MYO1E: variants seen among roughly 807,000 people sequenced by gnomAD.
The protein encoded by MYO1E is unconventional myosin-Ie.
In MYO1E, 68 loss-of-function variants were observed where a neutral mutation model predicts 151.1. The ratio of observed to expected loss-of-function variants is 0.45; its 90% confidence interval spans 0.37 to 0.55. The LOEUF (loss-of-function observed/expected upper bound fraction) is 0.55. MYO1E is among the 20% of genes least tolerant of loss of function. MYO1E has a pLI of 0.00. For synonymous variants in MYO1E, 601 were observed against 501.7 expected, an observed-to-expected ratio of 1.20 and a Z score of -2.64; for missense variants, 1,363 against 1,389.3, an observed-to-expected ratio of 0.98 and a Z score of 0.30.
chr15:59,259,112 G>A (rs1940529970), intron 3 of MYO1E, among the ~76,000 whole-genome samples: 1 of 151,912 alleles, frequency 6.6e-6, no homozygotes, highest in Non-Finnish European at 1.5e-5. Flanking sequence ...TCCCTCTTTT[G>A]GTCATCCTCT....
At chr15:59,203,694 G>C (rs1163806641) in intron 15 of MYO1E, among the ~76,000 whole-genome samples, 2 of 152,174 alleles carry the variant, frequency 1.3e-5, no homozygotes, top group African/African-American at 4.8e-5. Context: ...TTCATTAGTG[G>C]TGCTATTTGA....
intron 9 of MYO1E, among the ~76,000 whole-genome samples, chr15:59,218,854 G>A (rs1239738652): frequency 3.3e-5 from 5 of 152,184 alleles, no homozygotes; most frequent in Non-Finnish European, 7.3e-5. Context: ...AGGGGAGGAA[G>A]CAGAAGTGTG....
rs1214320696 is a variant in MYO1E, at chr15:59,300,315, GAC to G, written c.4-27868_4-27867del. ...GCACGCGCACACACACACACACACA[GAC>G]ACACACACACACGCACGGTCATTTC... is the stretch of plus-strand genomic sequence containing the variant. On this transcript the variant is annotated intron_variant, in intron 1 of 27. Transcript: ENST00000288235. Among the ~76,000 whole-genome samples the G allele has an allele frequency of 5.8e-5, 8 of 138,824 alleles. No individual in the cohort carries two copies. The South Asian group carries it at 9.1e-4, about 16-fold the overall frequency. 91.1% of individuals were successfully genotyped at this position (138,824 alleles called of 152,430 possible).
At chr15:59,360,954 T>G (rs2080881581) in intron 1 of MYO1E, among the ~76,000 whole-genome samples, 1 of 152,350 alleles carries the variant, frequency 6.6e-6, no homozygotes, top group Admixed American at 6.5e-5. Flanking sequence ...ACAGTGTGAC[T>G]TGCTTCAGCC....
At chr15:59,329,461 A>C (rs115008430) in intron 1 of MYO1E, among the ~76,000 whole-genome samples, 1 of 152,220 alleles carries the variant, frequency 6.6e-6, no homozygotes, top group Non-Finnish European at 1.5e-5. Flanking sequence ...TTGGAGGAAA[A>C]TGGACCAACG....
chr15:59,209,231 T>G (rs1325444750), intron 13 of MYO1E, among the ~76,000 whole-genome samples: 1 of 152,238 alleles, frequency 6.6e-6, no homozygotes, highest in Non-Finnish European at 1.5e-5. Flanking sequence ...ATAGGCATCA[T>G]TTCGGTAGTT....
intron 22 of MYO1E, among the ~76,000 whole-genome samples, chr15:59,168,127 T>A (rs2079572460): frequency 1.3e-5 from 2 of 152,174 alleles, no homozygotes; most frequent in Admixed American, 6.5e-5. Context: ...TTCAAAAAAA[T>A]TTTTAACCGT....
intron 17 of MYO1E, among the ~76,000 whole-genome samples, chr15:59,191,379 C>T (rs2079733713): frequency 7.9e-6 from 1 of 127,072 alleles, no homozygotes; most frequent in Admixed American, 7.4e-5. Flanking sequence ...AAAGAAATGT[C>T]ATGTCAATTA....
chr15:59,237,512 T>C (rs1184794672), intron 4 of MYO1E, among the ~76,000 whole-genome samples: 2 of 152,218 alleles, frequency 1.3e-5, no homozygotes, highest in Non-Finnish European at 2.9e-5. Flanking sequence ...GTCAGTCAGA[T>C]TTTTCATCTT....
At chr15:59,323,548 C>T (rs748323143) in intron 1 of MYO1E, among the ~76,000 whole-genome samples, 17 of 151,528 alleles carry the variant, frequency 1.1e-4, no homozygotes, top group East Asian at 3.9e-4. Flanking sequence ...CCCAGCTACT[C>T]GGGAGGCTGA....
intron 1 of MYO1E, among the ~76,000 whole-genome samples, chr15:59,323,036 G>A (rs1270242631): frequency 1.3e-5 from 2 of 151,308 alleles, no homozygotes; most frequent in African/African-American, 4.9e-5. Flanking sequence ...TGGTATGGTG[G>A]TGGGCACCTG....
At chr15:59,160,375 G>T (rs1381605468) in intron 24 of MYO1E, among the ~76,000 whole-genome samples, 2 of 144,728 alleles carry the variant, frequency 1.4e-5, no homozygotes, top group Non-Finnish European at 3.0e-5. Flanking sequence ...GTGTGTGTGT[G>T]TGTGTATGGT....
intron 1 of MYO1E, among the ~76,000 whole-genome samples, chr15:59,354,667 C>A (rs1190588500): frequency 6.6e-6 from 1 of 152,168 alleles, no homozygotes; most frequent in Non-Finnish European, 1.5e-5. Context: ...GAGTTGGGAG[C>A]TTTTGAACGG....
At chr15:59,340,551 A>AAAT (rs775432175) in intron 1 of MYO1E, among the ~76,000 whole-genome samples, 1 of 152,212 alleles carries the variant, frequency 6.6e-6, no homozygotes, top group Non-Finnish European at 1.5e-5. Flanking sequence ...GTGTAGTATC[A>AAAT]AATAACAGTA....
intron 9 of MYO1E, among the ~76,000 whole-genome samples, chr15:59,222,336 G>C (rs1277197341): frequency 6.6e-6 from 1 of 152,170 alleles, no homozygotes; most frequent in African/African-American, 2.4e-5. Flanking sequence ...AGAGCAGCCT[G>C]CAAGCTGTTG....
intron 23 of MYO1E, 80 bp from the exon 24 acceptor site, chr15:59,161,310 G>T (rs1431929982): frequency 1.3e-6 from 2 of 1,490,630 alleles, no homozygotes; most frequent in African/African-American, 1.4e-5. Flanking sequence ...ACGGAGTTCT[G>T]CTGCTGGAAA....
intron 1 of MYO1E, among the ~76,000 whole-genome samples, chr15:59,272,703 T>C (rs1330496147): frequency 6.6e-6 from 1 of 152,222 alleles, no homozygotes; most frequent in Admixed American, 6.5e-5. Context: ...TTTTCTCATT[T>C]GTAAAATGGG....
chr15:59,205,429 A>T lies in MYO1E; in HGVS notation c.1587T>A (p.Asp529Glu). ...CGCTGCTCTGCATAAGCTCGATGAG[A>T]TCCATAAAAAGCACATCCCGGTTCC... ...CERNRDVLFM[D>E]LIELMQSSEL... Residue 529 changes from aspartate to glutamate, a missense_variant, in exon 15 of 28, where the codon GAT (aspartate) becomes GAA (glutamate). Asp to Glu is a conservative substitution (Grantham distance 45). Coordinates refer to ENST00000288235, the MANE Select transcript of MYO1E (RefSeq NM_004998.4). 6.2e-7 allele frequency: 1 copy of T among 1,614,208 alleles called. No homozygotes were observed. The highest frequency in any genetic ancestry group is 8.5e-7 in the Non-Finnish European group (1 of 1,180,042).
At chr15:59,174,828 T>A (rs1260335927) in intron 19 of MYO1E, among the ~76,000 whole-genome samples, 2 of 152,058 alleles carry the variant, frequency 1.3e-5, no homozygotes, top group Non-Finnish European at 1.5e-5. Context: ...TGACTGGAGC[T>A]GGACGTGAGG....
Sources: gnomAD v4.1 joint callset for allele counts (sites outside exome capture counted in the v4.1 genomes callset) on GRCh38, gnomAD v4.1.1 for gene constraint, MANE v1.5 for transcripts, NCBI Gene and HGNC (gene_info 2026-07-23, HGNC 2026-07-21) for gene names.